The following STAG1 variants were observed in gnomAD, a reference collection of about 807,000 sequenced individuals.
The protein encoded by STAG1 is STAG1 cohesin complex component.
In STAG1, 26 loss-of-function variants were observed where a neutral mutation model predicts 170.9. The ratio of observed to expected loss-of-function variants is 0.15; its 90% CI spans 0.11 to 0.21. The LOEUF is 0.21. Among genes scored for constraint, STAG1 ranks in the 10% least tolerant of loss-of-function variants. STAG1 has a pLI of 1.00. For missense variants in STAG1, 964 were observed against 1,509.5 expected, an observed-to-expected ratio of 0.64 and a Z score of 5.99; for synonymous variants, 514 against 497.7, an observed-to-expected ratio of 1.03 and a Z score of -0.44.
intron 32 of STAG1, among the ~76,000 whole-genome samples, chr3:136,340,217 C>A (rs1185657757): frequency 6.6e-6 from 1 of 152,090 alleles, no homozygotes; most frequent in Non-Finnish European, 1.5e-5. Flanking sequence ...TGCAATGGCA[C>A]GATCTTGGCT....
intron 12 of STAG1, among the ~76,000 whole-genome samples, chr3:136,470,387 G>A (rs2089594742): frequency 6.6e-6 from 1 of 152,216 alleles, no homozygotes; most frequent in African/African-American, 2.4e-5. Flanking sequence ...GTGAAATAAT[G>A]CTCATCATCA....
At chr3:136,350,711 A>G (rs1295630266) in intron 28 of STAG1, among the ~76,000 whole-genome samples, 1 of 152,198 alleles carries the variant, frequency 6.6e-6, no homozygotes, top group Non-Finnish European at 1.5e-5. Flanking sequence ...GAGGCTGACT[A>G]TGAAGAAGAA....
chr3:136,533,299 G>A (rs776710155), intron 6 of STAG1, among the ~76,000 whole-genome samples: 4 of 152,074 alleles, frequency 2.6e-5, no homozygotes, highest in African/African-American at 4.8e-5. Flanking sequence ...TGAATCCCAA[G>A]AATATTGGTA....
intron 1 of STAG1, among the ~76,000 whole-genome samples, chr3:136,678,437 T>C (rs959297606): frequency 1.3e-5 from 2 of 151,702 alleles, no homozygotes; most frequent in African/African-American, 4.8e-5. Context: ...ATGGCTTAAT[T>C]TTTTTAAGTG....
chr3:136,582,256 T>C lies in STAG1; in HGVS notation c.298-13395A>G, dbSNP rs190977959. 2.0e-5 allele frequency among the ~76,000 whole-genome samples: 3 copies of C among 152,230 alleles called. No homozygotes were observed. The East Asian group carries it at 5.8e-4, about 29-fold the overall frequency. ...CAAAGAAACACAAATGTATCAAAGG[T>C]ACATAGCCAATACCTGCAATGAGAG... On this transcript the variant is annotated intron_variant, in intron 4 of 33. Coordinates refer to ENST00000383202, the MANE Select transcript of STAG1 (RefSeq NM_005862.3).
At chr3:136,664,573 G>T (rs1051409897) in intron 1 of STAG1, among the ~76,000 whole-genome samples, 11 of 152,038 alleles carry the variant, frequency 7.2e-5, no homozygotes, top group Non-Finnish European at 1.2e-4. Context: ...TTTTTTAGAT[G>T]GTTATTCCCT....
chr3:136,489,840 A>C (rs145946882), intron 9 of STAG1, among the ~76,000 whole-genome samples: 1 of 152,178 alleles, frequency 6.6e-6, no homozygotes, highest in African/African-American at 2.4e-5. Context: ...GCGAGTGCTG[A>C]AAGTTAGTAA....
chr3:136,606,006 T>C (rs984481683), intron 3 of STAG1, among the ~76,000 whole-genome samples: 4 of 152,224 alleles, frequency 2.6e-5, no homozygotes, highest in South Asian at 2.1e-4. Context: ...ATAGAGTTCA[T>C]TGCTTAATTT....
At chr3:136,504,603 G>A (rs1933658749) in intron 7 of STAG1, among the ~76,000 whole-genome samples, 1 of 152,146 alleles carries the variant, frequency 6.6e-6, no homozygotes, top group South Asian at 2.1e-4. Context: ...AACTACTCAA[G>A]CTGATAATAC....
At chr3:136,648,406 T>TTTG (rs1327605676) in intron 1 of STAG1, among the ~76,000 whole-genome samples, 2 of 152,190 alleles carry the variant, frequency 1.3e-5, no homozygotes, top group African/African-American at 4.8e-5. Flanking sequence ...TAACATTAAT[T>TTTG]TTCAAAGCAC....
At chr3:136,474,814 G>C (rs2089705050) in intron 10 of STAG1, among the ~76,000 whole-genome samples, 1 of 152,140 alleles carries the variant, frequency 6.6e-6, no homozygotes, top group Non-Finnish European at 1.5e-5. Context: ...ACTGCTAATG[G>C]TTCAATATCT....
chr3:136,409,777 T>C (rs545836948), intron 21 of STAG1, among the ~76,000 whole-genome samples: 11 of 152,152 alleles, frequency 7.2e-5, no homozygotes, highest in Admixed American at 5.9e-4. Context: ...TAAAAAGATA[T>C]CTGAAAAAAG....
chr3:136,416,013 CT>C (rs144024289), intron 21 of STAG1, among the ~76,000 whole-genome samples: 24,819 of 147,252 alleles, frequency 0.17, 2,639 homozygotes, highest in Non-Finnish European at 0.24. Context: ...AGCCATAAAA[CT>C]TTTTTTTTTT....
intron 4 of STAG1, among the ~76,000 whole-genome samples, chr3:136,588,981 T>C (rs1367896169): frequency 6.6e-6 from 1 of 152,130 alleles, no homozygotes; most frequent in Non-Finnish European, 1.5e-5. Flanking sequence ...CATGCTAATC[T>C]CGAACTCCTG....
intron 1 of STAG1, among the ~76,000 whole-genome samples, chr3:136,725,911 G>A (rs1933638123): frequency 1.3e-5 from 2 of 152,128 alleles, no homozygotes; most frequent in Non-Finnish European, 2.9e-5. Context: ...TCAATTATTA[G>A]TTAGAAACCT....
At chr3:136,478,865 G>C (rs886330953) in intron 9 of STAG1, among the ~76,000 whole-genome samples, 1 of 151,992 alleles carries the variant, frequency 6.6e-6, no homozygotes, top group African/African-American at 2.4e-5. Flanking sequence ...TCAAATCCTG[G>C]TTCTGCTATT....
At chr3:136,727,519 A>G (rs1373056655) in intron 1 of STAG1, among the ~76,000 whole-genome samples, 3 of 152,260 alleles carry the variant, frequency 2.0e-5, no homozygotes, top group Admixed American at 6.5e-5. Flanking sequence ...AATAATGCCT[A>G]TAACAGATAC....
At chr3:136,362,580 C>A (rs1936913645) in intron 26 of STAG1, among the ~76,000 whole-genome samples, 1 of 134,324 alleles carries the variant, frequency 7.4e-6, no homozygotes, top group Admixed American at 8.1e-5. Context: ...ACCAGCCTGG[C>A]CAACATGGTG....
intron 21 of STAG1, among the ~76,000 whole-genome samples, chr3:136,417,243 A>C (rs1487372674): frequency 1.3e-5 from 2 of 152,158 alleles, no homozygotes; most frequent in Non-Finnish European, 2.9e-5. Flanking sequence ...TATACTACCA[A>C]ATGGAAATGA....
Sources: allele counts gnomAD v4.1 joint callset (sites outside exome capture counted in the v4.1 genomes callset), GRCh38; gene constraint gnomAD v4.1.1; transcripts MANE v1.5; gene names NCBI Gene and HGNC (gene_info 2026-07-23, HGNC 2026-07-21).